CLSPN: variants seen among roughly 807,000 people sequenced by gnomAD.
CLSPN encodes claspin.
Under a neutral mutation model 156.3 loss-of-function variants are expected in CLSPN, and 85 were observed. That is an observed-to-expected ratio of 0.54 (90% confidence interval 0.46 to 0.65). The LOEUF (loss-of-function observed/expected upper bound fraction) is 0.65. Among genes scored for constraint, CLSPN ranks in the 30% least tolerant of loss-of-function variants. The pLI, the probability that CLSPN is intolerant of heterozygous loss-of-function variation, is 0.00. For synonymous variants in CLSPN, 534 were observed against 542.4 expected (o/e 0.98, Z 0.22); for missense variants, 1,407 against 1,554.9 (o/e 0.90, Z 1.60).
chr1:35,734,200 G>A lies in CLSPN; in HGVS notation c.*2296C>T. 1 of 985,326 alleles carries A rather than the reference G, an allele frequency of 1.0e-6. No homozygotes were observed. The allele number at this position is 985,326 out of a possible 1,614,324, so 61.0% of individuals were successfully genotyped here. A position where few individuals can be genotyped will look rare whatever the true frequency, so the allele number is the denominator to read the frequency against. ...AACCTGAAAATGAAATGCTCCTCAA[G>A]GTTAGACAGGCACTGACCCAAGAAT... On this transcript the variant is annotated 3_prime_UTR_variant, in exon 25 of 25. Transcript: ENST00000318121.
At chr1:35,728,077 CTTTTT>C (rs59275877), downstream of CLSPN, among the ~76,000 whole-genome samples, 3 of 103,980 alleles carry the variant, frequency 2.9e-5, no homozygotes, top group Non-Finnish European at 5.6e-5. Flanking sequence ...AAACCACAAG[CTTTTT>C]TTTTTTTTTT....
Position 35,732,119 on chromosome 1 carries a change from T to G in CLSPN, c.*4377A>C, listed in dbSNP as rs1571186582. The G allele has an allele frequency of 1.0e-6, 1 of 974,984 alleles. No individual in the cohort carries two copies. The highest frequency in any genetic ancestry group is 5.3e-4 in the Middle Eastern group (1 of 1,892). 60.4% of individuals were successfully genotyped at this position (974,984 alleles called of 1,614,324 possible). A position where few individuals can be genotyped will look rare whatever the true frequency, so the allele number is the denominator to read the frequency against. ...TTTTATAAACAGAGGCTCTGAAAGG[T>G]GTAGTGTTATTTATTCAAACTGTGG... is the stretch of plus-strand genomic sequence containing the variant. On this transcript the variant is annotated 3_prime_UTR_variant, in exon 25 of 25. Coordinates refer to ENST00000318121, the MANE Select transcript of CLSPN (RefSeq NM_022111.4).
chr1:35,734,523 T>C lies in CLSPN; in HGVS notation c.*1973A>G, dbSNP rs551861142. ...GGCGAAACCTCATCTCTAATAAAAA[T>C]ACAAAAAATTAGCTGGGAGTGGTGG... On this transcript the variant is annotated 3_prime_UTR_variant, in exon 25 of 25. Transcript: ENST00000318121. 1 of 338,804 alleles carries C rather than the reference T, an allele frequency of 3.0e-6. No homozygotes were observed. Among genetic ancestry groups the C allele is most frequent in the East Asian group, 1.7e-4 (1 of 5,902 alleles). The allele number at this position is 338,804 out of a possible 1,614,324, so 21.0% of individuals were successfully genotyped here. A position where few individuals can be genotyped will look rare whatever the true frequency, so the allele number is the denominator to read the frequency against.
In CLSPN at chr1:35,733,561, C is replaced by A. The variant is rs573065494; in HGVS notation, c.*2935G>T. 1.5e-4 allele frequency: 151 copies of A among 985,224 alleles called. 1 individual carries two copies. In the Middle Eastern group the frequency reaches 6.8e-3, roughly 44 times the overall value. The allele number at this position is 985,224 out of a possible 1,614,324, so 61.0% of individuals were successfully genotyped here. A position where few individuals can be genotyped will look rare whatever the true frequency, so the allele number is the denominator to read the frequency against. ...GCCTTCCTGCTCAGTTCTCTTTTGC[C>A]CAGCAAGGGCTACTTTGCCTTGGGA... On this transcript the variant is annotated 3_prime_UTR_variant, in exon 25 of 25. Transcript: ENST00000318121.
At chr1:35,756,358 G>T (rs1211796745) in intron 8 of CLSPN, among the ~76,000 whole-genome samples, 53 of 152,272 alleles carry the variant, frequency 3.5e-4, no homozygotes, top group Admixed American at 3.5e-3. Context: ...TAAAATAGTA[G>T]TCAGGCAAGA....
chr1:35,767,356 A>G (rs1642712350), intron 1 of CLSPN, among the ~76,000 whole-genome samples: 3 of 152,196 alleles, frequency 2.0e-5, no homozygotes, highest in Admixed American at 2.0e-4. Context: ...TGTGGTTCAA[A>G]TAATATGATA....
intron 9 of CLSPN, among the ~76,000 whole-genome samples, 181 bp from the exon 10 acceptor site, chr1:35,751,687 C>T (rs990435839): frequency 6.6e-6 from 1 of 152,062 alleles, no homozygotes; most frequent in African/African-American, 2.4e-5. Context: ...AAGAGAACTT[C>T]TGCACCCTAG....
Position 35,763,317 on chromosome 1 carries a change from T to C in CLSPN, c.587A>G (p.Asp196Gly), listed in dbSNP as rs752127521. 5.1e-6 allele frequency: 8 copies of C among 1,581,726 alleles called. No homozygotes were observed. In the South Asian group the frequency reaches 9.4e-5, roughly 19 times the overall value. Residue 196 changes from aspartate (D) to glycine (G), a missense_variant, in exon 4 of 25, where the codon GAT (aspartate) becomes GGT (glycine). Transcript: ENST00000318121. Reference sequence around the variant, plus strand: ...GTCATTAAATGGCTGTTCTACATCATCTTCCTAAGTAATACATAAACAAAA... The same window carrying C: ...GTCATTAAATGGCTGTTCTACATCACCTTCCTAAGTAATACATAAACAAAA... ...LKKKETKNQE[D>G]DVEQPFNDSG...
intron 9 of CLSPN, 142 bp from the exon 10 acceptor site, chr1:35,751,648 C>T: frequency 9.4e-7 from 1 of 1,065,246 alleles, no homozygotes; most frequent in Non-Finnish European, 1.3e-6. Flanking sequence ...TATTTGAACA[C>T]AAGAGTATTA....
At chr1:35,758,188 A>G (rs1571215814) in intron 8 of CLSPN, among the ~76,000 whole-genome samples, 1 of 143,874 alleles carries the variant, frequency 7.0e-6, no homozygotes, top group Non-Finnish European at 1.5e-5. Context: ...TTTTTTTTTT[A>G]TGAGACAGGG....
At chr1:35,750,803 C>T (rs886629980) in intron 10 of CLSPN, among the ~76,000 whole-genome samples, 1 of 151,982 alleles carries the variant, frequency 6.6e-6, no homozygotes, top group Non-Finnish European at 1.5e-5. Flanking sequence ...ATGCCTTCTT[C>T]TACAAAGAAC....
At chr1:35,725,659 C>T (rs1411507504) in intron 24 of CLSPN, among the ~76,000 whole-genome samples, 3 of 152,138 alleles carry the variant, frequency 2.0e-5, no homozygotes, top group Non-Finnish European at 1.5e-5. Context: ...TAACCCCCAG[C>T]ACAAAGGGCC....
intron 3 of CLSPN, among the ~76,000 whole-genome samples, chr1:35,764,020 G>A (rs1048345450): frequency 1.3e-5 from 2 of 151,898 alleles, no homozygotes; most frequent in Admixed American, 6.6e-5. Context: ...GGCTGTTCTC[G>A]AACTCCTGGG....
rs767130480 is a variant in CLSPN, at chr1:35,760,521, G to A, written c.1400C>T (p.Thr467Ile). Residue 467 changes from threonine (T) to isoleucine (I), a missense_variant, in exon 8 of 25, where the codon ACA (threonine) becomes ATA (isoleucine). Thr to Ile is a moderately conservative substitution (Grantham distance 89). Coordinates refer to ENST00000318121, the MANE Select transcript of CLSPN (RefSeq NM_022111.4). ...EGEGPQNPEE[T>I]DEKVEEPEQQ... ...CTCAGGCTCTTCCACTTTCTCATCT[G>A]TTTCTTCTGGATTTTGGGGGCCTTC... 2 of 1,614,170 alleles carry A rather than the reference G, an allele frequency of 1.2e-6. No homozygotes were observed. The highest frequency in any genetic ancestry group is 1.7e-6 in the Non-Finnish European group (2 of 1,180,024).
At chr1:35,763,960 C>A (rs1467911702) in intron 3 of CLSPN, among the ~76,000 whole-genome samples, 2 of 151,926 alleles carry the variant, frequency 1.3e-5, no homozygotes, top group Non-Finnish European at 2.9e-5. Flanking sequence ...CCACCACACC[C>A]AACTAATTTT....
intron 1 of CLSPN, among the ~76,000 whole-genome samples, chr1:35,766,730 C>T (rs1373045122): frequency 1.3e-5 from 2 of 151,976 alleles, no homozygotes; most frequent in African/African-American, 4.8e-5. Context: ...AGACGTGAGC[C>T]ACCACGCCCG....
chr1:35,747,863 G>A (rs374549049), intron 14 of CLSPN, 44 bp downstream of exon 14: 465 of 1,575,912 alleles, frequency 3.0e-4, no homozygotes, highest in Non-Finnish European at 3.6e-4. Flanking sequence ...AAATTAAGCA[G>A]TACCCAGCAC....
intron 14 of CLSPN, among the ~76,000 whole-genome samples, chr1:35,747,562 G>A (rs904213376): frequency 6.6e-6 from 1 of 152,148 alleles, no homozygotes; most frequent in African/African-American, 2.4e-5. Context: ...AGCAGGGCTT[G>A]GCATTATGTC....
intron 24 of CLSPN, 24 bp downstream of exon 24, chr1:35,736,890 C>A: frequency 6.2e-7 from 1 of 1,604,550 alleles, no homozygotes; most frequent in Non-Finnish European, 8.5e-7. Flanking sequence ...GGGAAGCCAC[C>A]ATATTAGTTC....
Sources: gnomAD v4.1 joint callset for allele counts (sites outside exome capture counted in the v4.1 genomes callset) on GRCh38, gnomAD v4.1.1 for gene constraint, MANE v1.5 for transcripts, NCBI Gene and HGNC (gene_info 2026-07-23, HGNC 2026-07-21) for gene names.